The following GADL1 variants were observed in gnomAD, a reference collection of about 807,000 sequenced individuals.
GADL1 encodes the protein GAD like acidic amino acid decarboxylase 1, also known as acidic amino acid decarboxylase GADL1.
Under a neutral mutation model 69.5 loss-of-function variants are expected in GADL1, and 71 were observed. The observed-to-expected ratio is 1.02, with a 90% CI of 0.84 to 1.25. The LOEUF is 1.25. Ranked by LOEUF, GADL1 falls within the 50% of genes most tolerant of loss-of-function variation. The pLI is 0.00. For missense variants in GADL1, 737 were observed against 631.8 expected, an observed-to-expected ratio of 1.17 and a Z score of -1.79; for synonymous variants, 254 against 214.4, an observed-to-expected ratio of 1.18 and a Z score of -1.62.
chr3:30,770,440 C>T (rs1171030238), intron 14 of GADL1, among the ~76,000 whole-genome samples: 5 of 152,172 alleles, frequency 3.3e-5, no homozygotes, highest in East Asian at 3.8e-4. Context: ...AGTGGCACTC[C>T]GTACAGAGAA....
At chr3:30,839,422 A>G (rs1303900657) in intron 8 of GADL1, among the ~76,000 whole-genome samples, 1 of 151,698 alleles carries the variant, frequency 6.6e-6, no homozygotes, top group Non-Finnish European at 1.5e-5. Context: ...TAATAACTTC[A>G]GCTGCAACAG....
chr3:30,774,996 A>G (rs1696500677), intron 14 of GADL1, among the ~76,000 whole-genome samples: 1 of 152,166 alleles, frequency 6.6e-6, no homozygotes, highest in Non-Finnish European at 1.5e-5. Flanking sequence ...TAGGTAGGGA[A>G]GTAATGAAGA....
intron 14 of GADL1, among the ~76,000 whole-genome samples, chr3:30,765,962 CATA>C (rs1448567412): frequency 6.6e-6 from 1 of 151,984 alleles, no homozygotes; most frequent in Non-Finnish European, 1.5e-5. Flanking sequence ...GAAAATGTGT[CATA>C]AGAGTATATG....
chr3:30,744,177 CT>C (rs774022507), intron 14 of GADL1, among the ~76,000 whole-genome samples: 5 of 152,100 alleles, frequency 3.3e-5, no homozygotes, highest in Non-Finnish European at 7.3e-5. Context: ...GTGAGTTCTA[CT>C]TTAGAGGAAA....
intron 14 of GADL1, among the ~76,000 whole-genome samples, chr3:30,754,497 C>T (rs1289250517): frequency 1.3e-5 from 2 of 149,922 alleles, no homozygotes; most frequent in East Asian, 4.0e-4. Context: ...TTCAGGAGTT[C>T]TGGGAGCATC....
intron 1 of GADL1, among the ~76,000 whole-genome samples, chr3:30,878,870 A>G (rs140235218): frequency 3.3e-5 from 5 of 152,068 alleles, no homozygotes; most frequent in Admixed American, 2.0e-4. Context: ...CATTTATTTT[A>G]TTTAGTCCAA....
intron 11 of GADL1, among the ~76,000 whole-genome samples, chr3:30,816,572 A>G (rs1369263337): frequency 1.6e-5 from 1 of 63,738 alleles, no homozygotes. Flanking sequence ...TTTTTGAGAC[A>G]GTCTTGCTCT....
At chr3:30,893,163 A>T (rs555815770) in intron 1 of GADL1, among the ~76,000 whole-genome samples, 1 of 152,304 alleles carries the variant, frequency 6.6e-6, no homozygotes, top group East Asian at 1.9e-4. Context: ...GCCTAACCAA[A>T]TATTTAAATA....
chr3:30,778,285 A>C lies in GADL1; in HGVS notation c.1303-17T>G, dbSNP rs1575200598. On this transcript the variant is annotated splice_polypyrimidine_tract_variant and intron_variant, in intron 13 of 14. Coordinates refer to ENST00000282538, the MANE Select transcript of GADL1 (RefSeq NM_207359.3). ...ATATTCAGGCTGAGAATTAGAAAAA[A>C]TATAAAGTTGTTATCTTAAGATTTA... The C allele has an allele frequency of 1.3e-6, 2 of 1,489,498 alleles. No homozygotes were observed. Among genetic ancestry groups the C allele is most frequent in the African/African-American group, 1.4e-5 (1 of 70,962 alleles). 92.3% of individuals were successfully genotyped at this position (1,489,498 alleles called of 1,614,324 possible).
chr3:30,864,053 A>G (rs928484957), intron 1 of GADL1, among the ~76,000 whole-genome samples: 1 of 152,040 alleles, frequency 6.6e-6, no homozygotes, highest in African/African-American at 2.4e-5. Context: ...GAAAGGAAAC[A>G]TTTAACATGG....
At chr3:30,744,862 C>CA (rs1397813870) in intron 14 of GADL1, among the ~76,000 whole-genome samples, 2 of 152,216 alleles carry the variant, frequency 1.3e-5, no homozygotes, top group Admixed American at 6.5e-5. Flanking sequence ...ACTTTATTTA[C>CA]AAAAAAATGA....
At chr3:30,846,991 G>T (rs1210122193) in intron 6 of GADL1, among the ~76,000 whole-genome samples, 1 of 152,144 alleles carries the variant, frequency 6.6e-6, no homozygotes, top group Non-Finnish European at 1.5e-5. Flanking sequence ...GGAGGTAAGG[G>T]TTTCTTTTTA....
intron 14 of GADL1, among the ~76,000 whole-genome samples, chr3:30,771,756 A>G (rs28740828): frequency 0.22 from 33,644 of 152,042 alleles, 6,735 homozygotes; most frequent in African/African-American, 0.54. Context: ...CTAATGTCAA[A>G]GACAATGACA....
chr3:30,817,094 C>G (rs947279441), intron 11 of GADL1, among the ~76,000 whole-genome samples: 1 of 152,076 alleles, frequency 6.6e-6, no homozygotes, highest in African/African-American at 2.4e-5. Flanking sequence ...TCCATGAACC[C>G]ATTACAATGA....
chr3:30,792,532 G>C (rs981607801), intron 12 of GADL1, among the ~76,000 whole-genome samples: 1 of 152,110 alleles, frequency 6.6e-6, no homozygotes, highest in African/African-American at 2.4e-5. Context: ...AACCATAATT[G>C]TACCACTGCA....
chr3:30,778,142 T>C, intron 14 of GADL1, 37 bp downstream of exon 14: 1 of 1,165,796 alleles, frequency 8.6e-7, no homozygotes, highest in South Asian at 1.2e-5. Flanking sequence ...TGAATCTACT[T>C]CATCAAAAAG....
At chr3:30,820,051 C>T (rs1697544574) in intron 11 of GADL1, among the ~76,000 whole-genome samples, 1 of 151,670 alleles carries the variant, frequency 6.6e-6, no homozygotes, top group African/African-American at 2.4e-5. Context: ...AAAATACTAT[C>T]CAACCAAGAT....
chr3:30,889,219 C>T (rs1032004529), intron 1 of GADL1, among the ~76,000 whole-genome samples: 1 of 150,362 alleles, frequency 6.7e-6, no homozygotes, highest in African/African-American at 2.4e-5. Flanking sequence ...GGAGGCAAGA[C>T]AGCGTGTGCA....
intron 11 of GADL1, among the ~76,000 whole-genome samples, chr3:30,802,188 T>A (rs998338123): frequency 5.9e-5 from 9 of 152,170 alleles, no homozygotes; most frequent in African/African-American, 2.2e-4. Context: ...TTTGGCTGCA[T>A]TTGTTGGCCT....
Sources: allele counts gnomAD v4.1 joint callset (sites outside exome capture counted in the v4.1 genomes callset), GRCh38; gene constraint gnomAD v4.1.1; transcripts MANE v1.5; gene names NCBI Gene and HGNC (gene_info 2026-07-23, HGNC 2026-07-21).